The following LAPTM4B variants were observed in gnomAD, a reference collection of about 807,000 sequenced individuals.
LAPTM4B encodes lysosomal-associated transmembrane protein 4B.
LAPTM4B carries 26 observed loss-of-function variants against 28.5 expected under a neutral mutation model. The observed-to-expected ratio is 0.91, with a 90% CI of 0.67 to 1.27. The LOEUF (loss-of-function observed/expected upper bound fraction) is 1.27, where lower values mean the gene tolerates loss of function less well. Ranked by LOEUF, LAPTM4B falls within the 50% of genes most tolerant of loss-of-function variation. The probability of loss-of-function intolerance (pLI) is 0.00; values close to 1 mark genes in which losing one functional copy is unlikely to be tolerated. For missense variants in LAPTM4B, 288 were observed against 285.8 expected (o/e 1.01, Z -0.06); for synonymous variants, 109 against 106.4 (o/e 1.02, Z -0.15).
At chr8:97,799,154 A>G (rs1816635094) in intron 1 of LAPTM4B, among the ~76,000 whole-genome samples, 2 of 152,096 alleles carry the variant, frequency 1.3e-5, no homozygotes, top group South Asian at 4.1e-4. Flanking sequence ...AAACCTCACC[A>G]CCTAACATGG....
At position 97,851,718 on chromosome 8, in the gene LAPTM4B, T is replaced by G; in HGVS notation, c.*244T>G. 1 of 510,312 alleles carries G rather than the reference T, an allele frequency of 2.0e-6. No homozygotes were observed. The highest frequency in any genetic ancestry group is 3.3e-5 in the East Asian group (1 of 30,336). 31.6% of individuals were successfully genotyped at this position (510,312 alleles called of 1,614,324 possible). ...GGGATATAATGGGCTTCACTAACCTTCCCTAGGCATTGAAACTTCCCCCAA... is the reference window on the plus strand; with the variant it reads ...GGGATATAATGGGCTTCACTAACCTGCCCTAGGCATTGAAACTTCCCCCAA... On this transcript the variant is annotated 3_prime_UTR_variant, in exon 7 of 7. Transcript: ENST00000521545.
intron 1 of LAPTM4B, among the ~76,000 whole-genome samples, chr8:97,786,645 G>T (rs572480011): frequency 1.7e-4 from 26 of 151,472 alleles, no homozygotes; most frequent in African/African-American, 6.3e-4. Context: ...GTTGTGGTGA[G>T]CTGAGATCGT....
rs533870344 is a variant in LAPTM4B at position 97,835,884 on chromosome 8, C to T, written c.603+10731C>T. Among the ~76,000 whole-genome samples the T allele has an allele frequency of 8.7e-5, 5 of 57,342 alleles. 1 individual carries two copies. The South Asian group carries it at 1.8e-3, about 21-fold the overall frequency. The allele number at this position is 57,342 out of a possible 152,430, so 37.6% of individuals were successfully genotyped here. A position where few individuals can be genotyped will look rare whatever the true frequency, so the allele number is the denominator to read the frequency against. ...GGGCTGCACAGCAGGAGGTGAGCAG[C>T]GGGCGCGGGCAAGCAAGCATTACAA... On this transcript the variant is annotated intron_variant, in intron 6 of 6. Coordinates refer to ENST00000521545, the MANE Select transcript of LAPTM4B (RefSeq NM_018407.6).
At chr8:97,822,330 T>C (rs1222385003) in intron 5 of LAPTM4B, among the ~76,000 whole-genome samples, 1 of 151,992 alleles carries the variant, frequency 6.6e-6, no homozygotes, top group Non-Finnish European at 1.5e-5. Flanking sequence ...TTCTAGATTT[T>C]ATAAATCTTA....
chr8:97,830,477 G>C (rs1215927712), intron 6 of LAPTM4B, among the ~76,000 whole-genome samples: 1 of 152,172 alleles, frequency 6.6e-6, no homozygotes, highest in Non-Finnish European at 1.5e-5. Context: ...AGGCAAGAAT[G>C]GTGATTAGGG....
intron 1 of LAPTM4B, among the ~76,000 whole-genome samples, chr8:97,800,870 G>A (rs1290745922): frequency 6.6e-6 from 1 of 151,946 alleles, no homozygotes; most frequent in East Asian, 1.9e-4. Context: ...CCAGGACTTC[G>A]GGAGGCCGGG....
In LAPTM4B at chr8:97,820,308, T is replaced by C. The variant is rs570363769; in HGVS notation, c.507+1070T>C. Among the ~76,000 whole-genome samples, 14 of 146,684 alleles carry C rather than the reference T, an allele frequency of 9.5e-5. No homozygotes were observed. In the South Asian group the frequency reaches 1.7e-3, roughly 18 times the overall value. On this transcript the variant is annotated intron_variant, in intron 5 of 6. Coordinates refer to ENST00000521545, the MANE Select transcript of LAPTM4B (RefSeq NM_018407.6). ...TTTATTTATTTTTCTTTCTTTCTTTTTTTTTTTTTTTTGAGGTAGGGTCTC... is the reference window on the plus strand; with the variant it reads ...TTTATTTATTTTTCTTTCTTTCTTTCTTTTTTTTTTTTGAGGTAGGGTCTC...
intron 1 of LAPTM4B, among the ~76,000 whole-genome samples, chr8:97,783,425 T>C (rs1403783408): frequency 6.6e-6 from 1 of 152,108 alleles, no homozygotes; most frequent in Non-Finnish European, 1.5e-5. Context: ...AATATACCTC[T>C]TTGGTATATT....
chr8:97,823,356 G>GTTTTTTTTT (rs72472850), intron 5 of LAPTM4B, among the ~76,000 whole-genome samples: 1 of 131,108 alleles, frequency 7.6e-6, no homozygotes, highest in African/African-American at 3.0e-5. Context: ...TTTTTTTTTT[G>GTTTTTTTTT]TTTTTTTTTT....
intron 1 of LAPTM4B, among the ~76,000 whole-genome samples, chr8:97,793,146 G>C (rs1428612402): frequency 6.6e-6 from 1 of 152,092 alleles, no homozygotes; most frequent in Non-Finnish European, 1.5e-5. Flanking sequence ...TGCCTTGAGG[G>C]CTTTGCCATA....
chr8:97,816,999 C>T (rs551196951), intron 4 of LAPTM4B, among the ~76,000 whole-genome samples: 149 of 152,174 alleles, frequency 9.8e-4, no homozygotes, highest in African/African-American at 3.5e-3. Flanking sequence ...TATACTAGCT[C>T]CCAAATTTGT....
intron 4 of LAPTM4B, 30 bp from the exon 5 acceptor site, chr8:97,819,110 A>T (rs373843838): frequency 1.1e-5 from 14 of 1,329,846 alleles, no homozygotes; most frequent in African/African-American, 4.4e-5. Context: ...GATTAATGAG[A>T]TTTGCTAATG....
intron 6 of LAPTM4B, among the ~76,000 whole-genome samples, chr8:97,838,216 C>T (rs756891959): frequency 2.0e-5 from 3 of 152,194 alleles, no homozygotes; most frequent in African/African-American, 7.2e-5. Flanking sequence ...CATATACAAT[C>T]ACACACTTGC....
chr8:97,784,520 A>G (rs375552534), intron 1 of LAPTM4B, among the ~76,000 whole-genome samples: 1 of 152,110 alleles, frequency 6.6e-6, no homozygotes, highest in African/African-American at 2.4e-5. Context: ...ACTCACTGCA[A>G]GCTCTGCCTC....
At position 97,822,362 on chromosome 8, in the gene LAPTM4B, C is replaced by G. The variant is rs978457302; in HGVS notation, c.508-2696C>G. Among the ~76,000 whole-genome samples the G allele has an allele frequency of 5.9e-5, 9 of 152,010 alleles. 1 individual carries two copies. The South Asian group carries it at 8.3e-4, about 14-fold the overall frequency. On this transcript the variant is annotated intron_variant, in intron 5 of 6. Transcript: ENST00000521545. ...CTTACCTGCAGGAAGGTTAGTCTGA[C>G]CAAGCTAACTCTGCCATTACCAGAA...
At chr8:97,838,094 A>T (rs1367186368) in intron 6 of LAPTM4B, among the ~76,000 whole-genome samples, 3 of 152,202 alleles carry the variant, frequency 2.0e-5, no homozygotes, top group Non-Finnish European at 4.4e-5. Context: ...GGCCCAGGGC[A>T]GGAGTGCTGG....
At chr8:97,824,195 A>AG (rs1398042916) in intron 5 of LAPTM4B, among the ~76,000 whole-genome samples, 2 of 152,116 alleles carry the variant, frequency 1.3e-5, no homozygotes, top group Non-Finnish European at 2.9e-5. Flanking sequence ...TATATACTAT[A>AG]TGTAGAATAC....
At chr8:97,798,190 G>T (rs1816620530) in intron 1 of LAPTM4B, among the ~76,000 whole-genome samples, 1 of 152,164 alleles carries the variant, frequency 6.6e-6, no homozygotes, top group South Asian at 2.1e-4. Context: ...TTCTTACCCA[G>T]TGTTGTTGGG....
At position 97,851,514 on chromosome 8, in the gene LAPTM4B, T is replaced by C. The variant is rs1444686960; in HGVS notation, c.*40T>C. ...GGAGCTGAGGGCAGCAGCTTGACTTTGCAGACATCTGAGCAATAGTTCTGT... is the reference window on the plus strand; with the variant it reads ...GGAGCTGAGGGCAGCAGCTTGACTTCGCAGACATCTGAGCAATAGTTCTGT... On this transcript the variant is annotated 3_prime_UTR_variant, in exon 7 of 7. Coordinates refer to ENST00000521545, the MANE Select transcript of LAPTM4B (RefSeq NM_018407.6). The C allele has an allele frequency of 6.3e-6, 9 of 1,428,434 alleles. No individual in the cohort carries two copies. In the Admixed American group the frequency reaches 6.7e-5, roughly 11 times the overall value. 88.5% of individuals were successfully genotyped at this position (1,428,434 alleles called of 1,614,324 possible).
Sources: allele counts gnomAD v4.1 joint callset (sites outside exome capture counted in the v4.1 genomes callset), GRCh38; gene constraint gnomAD v4.1.1; transcripts MANE v1.5; gene names NCBI Gene and HGNC (gene_info 2026-07-23, HGNC 2026-07-21).